COL4A3: variants seen among roughly 807,000 people sequenced by gnomAD.
The protein encoded by COL4A3 is collagen type IV alpha 3 chain.
Under a neutral mutation model 217.4 loss-of-function variants are expected in COL4A3, and 135 were observed. The ratio of observed to expected loss-of-function variants is 0.62; its 90% CI spans 0.54 to 0.72. COL4A3 has a LOEUF of 0.72. Among genes scored for constraint, COL4A3 ranks in the 30% least tolerant of loss-of-function variants. The pLI, the probability that COL4A3 is intolerant of heterozygous loss-of-function variation, is 0.00. For synonymous variants in COL4A3, 690 were observed against 736.3 expected (o/e 0.94, Z 1.02); for missense variants, 1,868 against 2,119.9 (o/e 0.88, Z 2.33).
intron 43 of COL4A3, among the ~76,000 whole-genome samples, chr2:227,301,019 G>A (rs923569380): frequency 6.6e-5 from 10 of 152,150 alleles, no homozygotes; most frequent in African/African-American, 2.4e-4. Flanking sequence ...GAGTCTGGAG[G>A]GCTAAGCAGG....
Position 227,270,866 on chromosome 2 carries a change from C to A in COL4A3, c.1672C>A (p.Leu558Ile). Residue 558 changes from leucine (L) to isoleucine (I), a missense_variant, in exon 25 of 52, where the codon CTC (leucine) becomes ATC (isoleucine). By Grantham distance (5) the Leu-to-Ile change is conservative (BLOSUM62 2). Around this residue, in one of 2 missense-constraint regions of COL4A3, gnomAD observed 1,503 missense variants for 1,786.1 expected, o/e 0.84. Coordinates refer to ENST00000396578, the MANE Select transcript of COL4A3 (RefSeq NM_000091.5). ...GQVGVPGDPG[L>I]RGQPGRKGLD... ...AGTGGGTGTCCCAGGTGACCCGGGGCTCAGAGGCCAACCTGGGAGAAAGGG... is the reference window on the plus strand; with the variant it reads ...AGTGGGTGTCCCAGGTGACCCGGGGATCAGAGGCCAACCTGGGAGAAAGGG... 1 of 1,614,134 alleles carries A rather than the reference C, an allele frequency of 6.2e-7. No individual in the cohort carries two copies. Among genetic ancestry groups the A allele is most frequent in the Non-Finnish European group, 8.5e-7 (1 of 1,180,004 alleles).
intron 32 of COL4A3, among the ~76,000 whole-genome samples, chr2:227,283,549 T>C (rs1559898247): frequency 6.6e-6 from 1 of 152,250 alleles, no homozygotes; most frequent in Non-Finnish European, 1.5e-5. Flanking sequence ...TCCTCATCCA[T>C]GAATATGATT....
chr2:227,265,699 T>C (rs2070843136), intron 21 of COL4A3, among the ~76,000 whole-genome samples: 1 of 152,222 alleles, frequency 6.6e-6, no homozygotes, highest in African/African-American at 2.4e-5. Flanking sequence ...GAAAATACAA[T>C]GTATCCAAAA....
At position 227,255,091 on chromosome 2, in the gene COL4A3, C is replaced by T. The variant is rs2070071188; in HGVS notation, c.888+376C>T. Among the ~76,000 whole-genome samples, 12 of 152,258 alleles carry T rather than the reference C, an allele frequency of 7.9e-5. No individual in the cohort carries two copies. In the South Asian group the frequency reaches 2.5e-3, roughly 32 times the overall value. On this transcript the variant is annotated intron_variant, in intron 15 of 51. Coordinates refer to ENST00000396578, the MANE Select transcript of COL4A3 (RefSeq NM_000091.5). ...GAGGAGAAAGAGAGCATATTTCTCC[C>T]TGTGTCCATTTATAAAATCCCAGGG...
chr2:227,253,372 A>G lies in COL4A3; in HGVS notation c.687+35A>G, dbSNP rs755049802. The G allele has an allele frequency of 2.5e-6, 4 of 1,603,090 alleles. No homozygotes were observed. Among genetic ancestry groups the G allele is most frequent in the South Asian group, 2.2e-5 (2 of 90,848 alleles). On this transcript the variant is annotated intron_variant, in intron 12 of 51. Transcript: ENST00000396578. This position sits in a 1 kb window ranked among gnomAD's most constrained non-coding sequence, Gnocchi z 4.4. ...ATACTATGTTTTATTAGCAGGCGAG[A>G]TATTTTATGTCCCAGAGCATATCAG...
At chr2:227,284,490 G>A (rs2072199803) in intron 34 of COL4A3, 145 bp downstream of exon 34, 5 of 893,480 alleles carry the variant, frequency 5.6e-6, no homozygotes, top group Non-Finnish European at 8.9e-6. Context: ...GTTGGTGGCT[G>A]AGCAGGCCTT....
intron 34 of COL4A3, among the ~76,000 whole-genome samples, chr2:227,288,414 C>T (rs1380219948): frequency 2.0e-5 from 3 of 152,004 alleles, no homozygotes; most frequent in Non-Finnish European, 4.4e-5. Flanking sequence ...TATTTATGAA[C>T]AGGAGAAGAG....
In COL4A3 at chr2:227,311,865, C is replaced by T; in HGVS notation, c.5008C>T (p.His1670Tyr). The part of the protein sequence containing the change: ...SRCQVCMKKR[H>Y] ...CTGTCAGGTGTGCATGAAGAAAAGA[C>T]ACTGAAGCTAAAAAAGACAGCAGAA... The change falls in exon 52 of 52, where the codon CAC becomes TAC. Residue 1670 changes from histidine (H) to tyrosine (Y), a missense_variant. His to Tyr is a moderately conservative substitution (Grantham distance 83). Coordinates refer to ENST00000396578, the MANE Select transcript of COL4A3 (RefSeq NM_000091.5). 1.2e-6 allele frequency: 2 copies of T among 1,613,646 alleles called. No individual in the cohort carries two copies. The highest frequency in any genetic ancestry group is 1.7e-6 in the Non-Finnish European group (2 of 1,179,686).
At chr2:227,295,209 A>T in intron 40 of COL4A3, 60 bp from the exon 41 acceptor site, 1 of 1,575,822 alleles carries the variant, frequency 6.3e-7, no homozygotes, top group Admixed American at 1.7e-5. Context: ...AACTTTTCTC[A>T]TAGACATATA....
chr2:227,177,158 T>C (rs2065703044), intron 1 of COL4A3, among the ~76,000 whole-genome samples: 2 of 149,756 alleles, frequency 1.3e-5, no homozygotes, highest in African/African-American at 4.9e-5. Flanking sequence ...TTTTTTTTTT[T>C]TTTTTTCTCC....
chr2:227,197,253 G>C (rs748925426), intron 1 of COL4A3, among the ~76,000 whole-genome samples: 1 of 152,016 alleles, frequency 6.6e-6, no homozygotes. Context: ...GTCTCGCTCT[G>C]TCGCCCAGGT....
intron 34 of COL4A3, among the ~76,000 whole-genome samples, chr2:227,287,007 G>T (rs560629205): frequency 6.6e-6 from 1 of 152,248 alleles, no homozygotes; most frequent in Non-Finnish European, 1.5e-5. Flanking sequence ...TTACGGTTTA[G>T]TGGGGGAAAG....
At chr2:227,269,514 T>C (rs1423609790) in intron 23 of COL4A3, among the ~76,000 whole-genome samples, 1 of 152,218 alleles carries the variant, frequency 6.6e-6, no homozygotes, top group Admixed American at 6.5e-5. Context: ...TCCTATGCAC[T>C]TATGGATATA....
chr2:227,216,267 A>G (rs1481299930), intron 1 of COL4A3, among the ~76,000 whole-genome samples: 1 of 152,228 alleles, frequency 6.6e-6, no homozygotes, highest in African/African-American at 2.4e-5. Context: ...AAATCAAAGG[A>G]TGTTTAAAAT....
intron 1 of COL4A3, among the ~76,000 whole-genome samples, chr2:227,171,925 A>AG (rs1194407490): frequency 2.6e-5 from 4 of 152,198 alleles, no homozygotes; most frequent in African/African-American, 9.6e-5. Flanking sequence ...TCTGGGGTCT[A>AG]GGGTCCCTTC....
At chr2:227,304,839 T>A in intron 46 of COL4A3, 146 bp from the exon 47 acceptor site, 1 of 697,164 alleles carries the variant, frequency 1.4e-6, no homozygotes, top group Non-Finnish European at 2.6e-6. Flanking sequence ...TGACTAATCA[T>A]CCTAGCTTGC....
chr2:227,192,750 T>C (rs1344922545), intron 1 of COL4A3, among the ~76,000 whole-genome samples: 2 of 152,122 alleles, frequency 1.3e-5, no homozygotes, highest in Non-Finnish European at 2.9e-5. Context: ...GGAGTGAGTG[T>C]GAATCATGAA....
chr2:227,280,943 T>C lies in COL4A3; in HGVS notation c.2425T>C (p.Cys809Arg). 1 of 1,567,654 alleles carries C rather than the reference T, an allele frequency of 6.4e-7. No individual in the cohort carries two copies. Among genetic ancestry groups the C allele is most frequent in the Non-Finnish European group, 8.7e-7 (1 of 1,155,668 alleles). ...TGGAGAACAAGGACCCCCAGGAAGG[T>C]GCATAGAGGGTCCCAGGGGAGCCCA... ...PPGEQGPPGR[C>R]IEGPRGAQGL... Residue 809 changes from cysteine (C) to arginine (R), a missense_variant, in exon 31 of 52, where the codon TGC becomes CGC. Physicochemically the swap from Cys to Arg is radical, Grantham distance 180 (BLOSUM62 -3). Transcript: ENST00000396578.
At position 227,304,109 on chromosome 2, in the gene COL4A3, G is replaced by C; in HGVS notation, c.4118G>C (p.Gly1373Ala). The change falls in exon 46 of 52, where the codon GGA (glycine) becomes GCA (alanine). Residue 1373 changes from glycine to alanine, a missense_variant. By Grantham distance (60) the Gly-to-Ala change is moderately conservative (BLOSUM62 0). Around this residue, in one of 2 missense-constraint regions of COL4A3, gnomAD observed 1,503 missense variants for 1,786.1 expected, o/e 0.84. Transcript: ENST00000396578. ...PGTPGEPGMQ[G>A]EPGPPGPPGN... Reference sequence around the variant, plus strand: ...ACACCTGGAGAACCAGGGATGCAGGGAGAACCTGGGCCACCAGGGCCACCT... The same window carrying C: ...ACACCTGGAGAACCAGGGATGCAGGCAGAACCTGGGCCACCAGGGCCACCT... 1 of 1,614,138 alleles carries C rather than the reference G, an allele frequency of 6.2e-7. No homozygotes were observed. The highest frequency in any genetic ancestry group is 8.5e-7 in the Non-Finnish European group (1 of 1,179,998).
Sources: allele counts gnomAD v4.1 joint callset (sites outside exome capture counted in the v4.1 genomes callset), GRCh38; gene constraint gnomAD v4.1.1; regional missense constraint gnomAD v4.1.1; non-coding constraint Gnocchi (gnomAD v3.1); transcripts MANE v1.5; gene names NCBI Gene and HGNC (gene_info 2026-07-23, HGNC 2026-07-21).